Variants in UTS2B observed in about 807,000 individuals in gnomAD.
UTS2B encodes urotensin 2B.
Under a neutral mutation model 19.2 loss-of-function variants are expected in UTS2B, and 21 were observed. The ratio of observed to expected loss-of-function variants is 1.09; its 90% confidence interval spans 0.78 to 1.58. The LOEUF (loss-of-function observed/expected upper bound fraction) is 1.58, where lower values mean the gene tolerates loss of function less well. Among genes scored for constraint, UTS2B ranks in the 40% most tolerant of loss-of-function variants. The pLI is 0.00. For missense variants in UTS2B, 138 were observed against 130.3 expected, an observed-to-expected ratio of 1.06 and a Z score of -0.29; for synonymous variants, 57 against 50.2, an observed-to-expected ratio of 1.14 and a Z score of -0.58.
At chr3:191,328,058 T>A (rs1055935863) in intron 2 of UTS2B, among the ~76,000 whole-genome samples, 1 of 152,210 alleles carries the variant, frequency 6.6e-6, no homozygotes, top group African/African-American at 2.4e-5. Flanking sequence ...TTTGAACATA[T>A]AAAAAACAGT....
At chr3:191,308,580 G>A (rs2108600537) in intron 3 of UTS2B, among the ~76,000 whole-genome samples, 1 of 152,260 alleles carries the variant, frequency 6.6e-6, no homozygotes, top group South Asian at 2.1e-4. Flanking sequence ...GGGTTGTCTT[G>A]TGCATTGTCT....
intron 4 of UTS2B, among the ~76,000 whole-genome samples, chr3:191,287,791 C>G (rs983679507): frequency 3.3e-5 from 5 of 151,802 alleles, no homozygotes; most frequent in Admixed American, 6.6e-5. Flanking sequence ...AAAAGGTATC[C>G]AGAACAATTA....
At chr3:191,307,285 A>C (rs1293948244) in intron 3 of UTS2B, among the ~76,000 whole-genome samples, 1 of 152,050 alleles carries the variant, frequency 6.6e-6, no homozygotes, top group Non-Finnish European at 1.5e-5. Context: ...CCCAGACTCA[A>C]TCCGTCTATA....
At position 191,329,579 on chromosome 3, in the gene UTS2B, C is replaced by T. The variant is rs569905893; in HGVS notation, c.-665+835G>A. On this transcript the variant is annotated intron_variant, in intron 1 of 8. Coordinates refer to ENST00000340524, the MANE Select transcript of UTS2B (RefSeq NM_198152.5). ...CGAGCCCTGCCGGCCGGACTTTGCG[C>T]CGCGTCCGGCGCTGCTGCTGCGCTC... is the stretch of plus-strand genomic sequence containing the variant. 120 of 1,334,032 alleles carry T rather than the reference C, an allele frequency of 9.0e-5. No homozygotes were observed. In the East Asian group the frequency reaches 2.0e-3, roughly 23 times the overall value. 82.6% of individuals were successfully genotyped at this position (1,334,032 alleles called of 1,614,324 possible).
intron 3 of UTS2B, among the ~76,000 whole-genome samples, chr3:191,315,424 G>A (rs541824334): frequency 6.6e-6 from 1 of 152,222 alleles, no homozygotes; most frequent in African/African-American, 2.4e-5. Context: ...GGCATAGGAA[G>A]TGAAGGGCAG....
chr3:191,311,910 C>T (rs1172994338), intron 3 of UTS2B, among the ~76,000 whole-genome samples: 1 of 152,026 alleles, frequency 6.6e-6, no homozygotes, highest in Non-Finnish European at 1.5e-5. Context: ...GAGGCCAAGG[C>T]AGGTGGATCA....
intron 1 of UTS2B, chr3:191,329,817 C>A: frequency 7.3e-7 from 1 of 1,365,116 alleles, no homozygotes; most frequent in Non-Finnish European, 1.0e-6. Flanking sequence ...GCTCCCGCGG[C>A]CCTCGCCCGG....
At chr3:191,308,492 A>C (rs1440324214) in intron 3 of UTS2B, among the ~76,000 whole-genome samples, 1 of 152,192 alleles carries the variant, frequency 6.6e-6, no homozygotes, top group Non-Finnish European at 1.5e-5. Context: ...ATGGAGCATC[A>C]CATTTATTAT....
intron 4 of UTS2B, among the ~76,000 whole-genome samples, chr3:191,287,544 T>C (rs141251748): frequency 5.3e-5 from 8 of 152,150 alleles, no homozygotes; most frequent in Non-Finnish European, 1.0e-4. Context: ...TGATAAAATG[T>C]ATATGATAAA....
intron 4 of UTS2B, among the ~76,000 whole-genome samples, chr3:191,302,109 C>T (rs1392178418): frequency 6.6e-6 from 1 of 152,156 alleles, no homozygotes; most frequent in Non-Finnish European, 1.5e-5. Context: ...AGGATGCAAT[C>T]GAAAAGCAGG....
At chr3:191,321,500 C>T (rs575537385) in intron 2 of UTS2B, among the ~76,000 whole-genome samples, 14 of 152,266 alleles carry the variant, frequency 9.2e-5, no homozygotes, top group South Asian at 4.1e-4. Context: ...AAGGTTTATG[C>T]GCCAAAGGAG....
At chr3:191,333,496 C>A (rs141827882), upstream of UTS2B, among the ~76,000 whole-genome samples, 1 of 152,142 alleles carries the variant, frequency 6.6e-6, no homozygotes, top group Non-Finnish European at 1.5e-5. Context: ...TCTGGCTACA[C>A]GGCAAACCCA....
chr3:191,301,992 T>G (rs1156730443), intron 4 of UTS2B, among the ~76,000 whole-genome samples: 10 of 152,112 alleles, frequency 6.6e-5, no homozygotes, highest in Admixed American at 6.6e-4. Flanking sequence ...AAAATTAGGT[T>G]GAGGTCTGCT....
intron 4 of UTS2B, among the ~76,000 whole-genome samples, chr3:191,298,059 T>C (rs573672990): frequency 5.9e-5 from 9 of 152,360 alleles, no homozygotes; most frequent in African/African-American, 2.2e-4. Context: ...GGCAATATTT[T>C]GATGAATCCT....
chr3:191,317,850 G>A (rs1197368777), intron 2 of UTS2B, among the ~76,000 whole-genome samples: 1 of 152,168 alleles, frequency 6.6e-6, no homozygotes, highest in Non-Finnish European at 1.5e-5. Flanking sequence ...AAAGTACTGG[G>A]ATTACAGGCA....
intron 3 of UTS2B, among the ~76,000 whole-genome samples, chr3:191,307,396 T>C (rs1164756742): frequency 6.6e-6 from 1 of 152,054 alleles, no homozygotes; most frequent in Non-Finnish European, 1.5e-5. Flanking sequence ...CAAAATTATA[T>C]GCTATTGCTT....
chr3:191,288,929 C>T (rs975464438), intron 4 of UTS2B, among the ~76,000 whole-genome samples: 6 of 152,098 alleles, frequency 3.9e-5, no homozygotes, highest in East Asian at 1.9e-4. Flanking sequence ...CAAAAACAAA[C>T]GAGATTACAT....
At position 191,267,703 on chromosome 3, in the gene UTS2B, A is replaced by G. The variant is rs935668548; in HGVS notation, c.*713T>C. 2.0e-5 allele frequency: 3 copies of G among 152,250 alleles called. No individual in the cohort carries two copies. The highest frequency in any genetic ancestry group is 4.1e-4 in the South Asian group (2 of 4,822). 9.4% of individuals were successfully genotyped at this position (152,250 alleles called of 1,614,324 possible). A position where few individuals can be genotyped will look rare whatever the true frequency, so the allele number is the denominator to read the frequency against. ...TAGGGTCATTTGATTATGAGGTGAG[A>G]TGGTCACATGGGGATGAAGTAATTC... On this transcript the variant is annotated 3_prime_UTR_variant, in exon 9 of 9. Coordinates refer to ENST00000340524, the MANE Select transcript of UTS2B (RefSeq NM_198152.5).
intron 4 of UTS2B, among the ~76,000 whole-genome samples, chr3:191,297,861 CACTTAAAT>C (rs1332587124): frequency 6.6e-6 from 1 of 152,212 alleles, no homozygotes; most frequent in African/African-American, 2.4e-5. Context: ...TGTGATAATG[CACTTAAAT>C]AAGTATTTAC....
Sources: allele counts gnomAD v4.1 joint callset (sites outside exome capture counted in the v4.1 genomes callset), GRCh38; gene constraint gnomAD v4.1.1; transcripts MANE v1.5; gene names NCBI Gene and HGNC (gene_info 2026-07-23, HGNC 2026-07-21).